Variants in PDE10A observed in about 807,000 individuals in gnomAD.
PDE10A encodes the protein phosphodiesterase 10A.
PDE10A carries 39 observed loss-of-function variants against 97.7 expected under a neutral mutation model. That is an observed-to-expected ratio of 0.40 (90% CI 0.31 to 0.52). The LOEUF is 0.52. PDE10A is among the 20% of genes least tolerant of loss of function. PDE10A has a pLI of 0.56. For synonymous variants in PDE10A, 371 were observed against 376.8 expected, an observed-to-expected ratio of 0.98 and a Z score of 0.18; for missense variants, 731 against 1,047.8, an observed-to-expected ratio of 0.70 and a Z score of 4.17.
intron 1 of PDE10A, among the ~76,000 whole-genome samples, chr6:165,716,046 C>T (rs146817846): frequency 2.6e-5 from 4 of 152,130 alleles, no homozygotes; most frequent in African/African-American, 4.8e-5. Flanking sequence ...ACAATTAGAA[C>T]GGAGCTGTTC....
At chr6:165,598,817 G>A (rs1786760731) in intron 1 of PDE10A, among the ~76,000 whole-genome samples, 1 of 152,018 alleles carries the variant, frequency 6.6e-6, no homozygotes, top group Non-Finnish European at 1.5e-5. Context: ...GCCCAGCACT[G>A]GGACCTAGAG....
intron 9 of PDE10A, among the ~76,000 whole-genome samples, chr6:165,429,668 C>T (rs981252159): frequency 1.3e-5 from 2 of 151,914 alleles, no homozygotes; most frequent in Non-Finnish European, 2.9e-5. Context: ...CATCCCGGCG[C>T]ATATTTTAGA....
chr6:165,381,794 C>T (rs146105419), intron 17 of PDE10A, among the ~76,000 whole-genome samples: 2 of 151,962 alleles, frequency 1.3e-5, no homozygotes, highest in Non-Finnish European at 2.9e-5. Flanking sequence ...TCTCCCTTTA[C>T]TTTAAGAGAA....
intron 2 of PDE10A, among the ~76,000 whole-genome samples, chr6:165,510,341 A>G (rs1263480819): frequency 1.3e-5 from 2 of 152,026 alleles, no homozygotes; most frequent in African/African-American, 4.8e-5. Flanking sequence ...ATTGGTTTGC[A>G]TATCTTAAAC....
chr6:165,713,792 A>G (rs1791961095), intron 1 of PDE10A, among the ~76,000 whole-genome samples: 1 of 152,232 alleles, frequency 6.6e-6, no homozygotes, highest in Admixed American at 6.5e-5. Flanking sequence ...TACATTATTA[A>G]CAGAAGAAAA....
rs551924213 is a variant in PDE10A at position 165,543,092 on chromosome 6, G to A, written c.994+348C>T. On this transcript the variant is annotated intron_variant, in intron 2 of 21. Coordinates refer to ENST00000539869, the MANE Select transcript of PDE10A (RefSeq NM_001385079.1). ...AATAGACTTATCTTTGTAAAATATA[G>A]TATCTTTGAAATACATACTATGAAT... is the stretch of plus-strand genomic sequence containing the variant. Among the ~76,000 whole-genome samples the A allele has an allele frequency of 3.3e-5, 5 of 152,146 alleles. No homozygotes were observed. The East Asian group carries it at 5.8e-4, about 18-fold the overall frequency.
chr6:165,618,989 G>C (rs375287417), intron 1 of PDE10A, among the ~76,000 whole-genome samples: 29,122 of 139,970 alleles, frequency 0.21, 4,301 homozygotes, highest in African/African-American at 0.44. Context: ...CTAGTGTAGT[G>C]TAGTCTAGTG....
At chr6:165,349,260 G>A (rs1782528774) in intron 18 of PDE10A, among the ~76,000 whole-genome samples, 1 of 152,162 alleles carries the variant, frequency 6.6e-6, no homozygotes, top group African/African-American at 2.4e-5. Context: ...TTGTTGAATG[G>A]CTTTGACCAA....
Position 165,470,501 on chromosome 6 carries a change from A to G in PDE10A, c.1023+11814T>C, listed in dbSNP as rs552360271. ...CTGATTGGTGCCTTTCCCTTAGAGGATAAGTAAGTCAACTTTGGTTTATAC... is the reference window on the plus strand; with the variant it reads ...CTGATTGGTGCCTTTCCCTTAGAGGGTAAGTAAGTCAACTTTGGTTTATAC... On this transcript the variant is annotated intron_variant, in intron 3 of 21. Transcript: ENST00000539869. Among the ~76,000 whole-genome samples the G allele has an allele frequency of 6.0e-3, 913 of 152,330 alleles. 4 individuals carry two copies. The highest frequency in any genetic ancestry group is 0.014 in the Middle Eastern group (4 of 294).
At chr6:165,954,431 A>G (rs187290944) in intron 1 of PDE10A, among the ~76,000 whole-genome samples, 2 of 152,202 alleles carry the variant, frequency 1.3e-5, no homozygotes, top group Non-Finnish European at 2.9e-5. Context: ...TTGGTTCTAG[A>G]CATTCACAGT....
intron 1 of PDE10A, among the ~76,000 whole-genome samples, chr6:165,846,547 C>G (rs983728626): frequency 2.0e-5 from 3 of 152,206 alleles, no homozygotes; most frequent in African/African-American, 7.2e-5. Context: ...TTCTTTGCAT[C>G]CCCTCAGCCC....
intron 1 of PDE10A, among the ~76,000 whole-genome samples, chr6:165,778,942 G>C (rs908430427): frequency 6.6e-6 from 1 of 152,002 alleles, no homozygotes; most frequent in Non-Finnish European, 1.5e-5. Flanking sequence ...TTATTGGTGT[G>C]GCAAGTGTCT....
intron 2 of PDE10A, among the ~76,000 whole-genome samples, chr6:165,500,697 T>C (rs531903152): frequency 1.3e-5 from 2 of 151,728 alleles, no homozygotes; most frequent in African/African-American, 4.8e-5. Flanking sequence ...GGAAGATAAA[T>C]GAAAGAGGAA....
intron 1 of PDE10A, among the ~76,000 whole-genome samples, chr6:165,910,414 C>T (rs1782421219): frequency 6.6e-6 from 1 of 152,186 alleles, no homozygotes; most frequent in Non-Finnish European, 1.5e-5. Context: ...AAATTGCTGA[C>T]AAATCTGCAA....
rs35769398 is a variant in PDE10A at position 165,650,493 on chromosome 6, T to TGTAC, written c.865+11453_865+11454insGTAC. ...TTTATTGTCCTTTCTAACATAAAAA[T>TGTAC]GTATCTGAGTGTGTGTGTATGTTGT... On this transcript the variant is annotated intron_variant, in intron 1 of 21. Transcript: ENST00000539869. Among the ~76,000 whole-genome samples the TGTAC allele has an allele frequency of 2.3e-4, 35 of 152,080 alleles. No homozygotes were observed. The South Asian group carries it at 6.3e-3, about 27-fold the overall frequency.
At chr6:165,543,801 C>T (rs1488936929) in intron 1 of PDE10A, among the ~76,000 whole-genome samples, 2 of 151,730 alleles carry the variant, frequency 1.3e-5, no homozygotes, top group African/African-American at 4.9e-5. Flanking sequence ...TGGGAATATA[C>T]GTAATGCCAC....
At chr6:165,708,299 G>A (rs1314327469) in intron 1 of PDE10A, among the ~76,000 whole-genome samples, 3 of 152,134 alleles carry the variant, frequency 2.0e-5, no homozygotes, top group Non-Finnish European at 2.9e-5. Flanking sequence ...GTTTCTGGCC[G>A]TCACACCGGG....
intron 1 of PDE10A, among the ~76,000 whole-genome samples, chr6:165,872,881 T>C (rs1302176132): frequency 5.9e-5 from 9 of 152,118 alleles, no homozygotes; most frequent in African/African-American, 2.2e-4. Flanking sequence ...CTTGTGGACA[T>C]CCCCAGTGAA....
At chr6:165,345,961 A>C (rs1782279278) in intron 18 of PDE10A, among the ~76,000 whole-genome samples, 1 of 152,228 alleles carries the variant, frequency 6.6e-6, no homozygotes, top group Non-Finnish European at 1.5e-5. Flanking sequence ...TGAAGTCCTA[A>C]TGTGGAAACA....
Sources: allele counts gnomAD v4.1 joint callset (sites outside exome capture counted in the v4.1 genomes callset), GRCh38; gene constraint gnomAD v4.1.1; transcripts MANE v1.5; gene names NCBI Gene and HGNC (gene_info 2026-07-23, HGNC 2026-07-21).